NF1: variants seen among roughly 807,000 people sequenced by gnomAD.
The protein encoded by NF1 is neurofibromin.
Under a neutral mutation model 325.7 loss-of-function variants are expected in NF1, and 122 were observed. The ratio of observed to expected loss-of-function variants is 0.37; its 90% CI spans 0.32 to 0.44. The LOEUF (loss-of-function observed/expected upper bound fraction) is 0.44. Ranked by LOEUF, NF1 falls within the 20% of genes least tolerant of loss-of-function variation. The pLI is 1.00. For missense variants in NF1, 2,140 were observed against 3,415.4 expected (o/e 0.63, Z 9.31); for synonymous variants, 1,091 against 1,186.0 (o/e 0.92, Z 1.65).
intron 30 of NF1, chr17:31,251,150 G>T (rs1017556848): frequency 1.5e-5 from 3 of 199,792 alleles, no homozygotes; most frequent in Non-Finnish European, 2.1e-5. Context: ...ATTTCTTTTG[G>T]TTTGCTCTTT....
intron 1 of NF1, 147 bp downstream of exon 1, chr17:31,095,516 A>C: frequency 2.4e-6 from 1 of 408,688 alleles, no homozygotes; most frequent in Non-Finnish European, 4.3e-6. Context: ...AAGGGGGGAT[A>C]AGTGGGGGTG....
intron 47 of NF1, among the ~76,000 whole-genome samples, chr17:31,341,357 CTACAAAAAAGGCAAAAA>C (rs2069816426): frequency 6.6e-6 from 1 of 151,928 alleles, no homozygotes; most frequent in Non-Finnish European, 1.5e-5. Flanking sequence ...AACCCCATCT[CTACAAAAAAGGCAAAAA>C]TTAGCTAGGC....
At chr17:31,204,401 C>G (rs1026953451) in intron 11 of NF1, among the ~76,000 whole-genome samples, 2 of 151,860 alleles carry the variant, frequency 1.3e-5, no homozygotes, top group Admixed American at 1.3e-4. Flanking sequence ...TAAGTGTTGC[C>G]ATTTGGCTAT....
intron 1 of NF1, among the ~76,000 whole-genome samples, chr17:31,132,739 T>C (rs1356391315): frequency 6.6e-6 from 1 of 152,086 alleles, no homozygotes; most frequent in Non-Finnish European, 1.5e-5. Flanking sequence ...TGATCTCAGC[T>C]CACTGCAACA....
At chr17:31,213,427 C>T (rs2066764239) in intron 12 of NF1, among the ~76,000 whole-genome samples, 1 of 152,094 alleles carries the variant, frequency 6.6e-6, no homozygotes, top group African/African-American at 2.4e-5. Flanking sequence ...GAGGATAGTT[C>T]ATTTGTGTTG....
chr17:31,250,437 A>C (rs1180671980), intron 30 of NF1: 1 of 211,370 alleles, frequency 4.7e-6, no homozygotes, highest in East Asian at 7.2e-5. Flanking sequence ...CCTAGTAGTA[A>C]CTGGTTTCAG....
At chr17:31,097,678 G>T (rs1319101138) in intron 1 of NF1, among the ~76,000 whole-genome samples, 1 of 151,654 alleles carries the variant, frequency 6.6e-6, no homozygotes, top group Admixed American at 6.6e-5. Flanking sequence ...TTAAGAGAAA[G>T]ATATATAGGA....
rs534249104 is a variant in NF1, at chr17:31,330,439, A to G, written c.5753A>G (p.Asn1918Ser). 2.5e-6 allele frequency: 4 copies of G among 1,613,904 alleles called. No homozygotes were observed. Among genetic ancestry groups the G allele is most frequent in the Non-Finnish European group, 3.4e-6 (4 of 1,179,892 alleles). The change falls in exon 39 of 58, where the codon AAT becomes AGT. Residue 1918 changes from asparagine (N) to serine (S), a missense_variant. By Grantham distance (46) the Asn-to-Ser change is conservative. Coordinates refer to ENST00000358273, the MANE Select transcript of NF1 (RefSeq NM_001042492.3). Reference sequence around the variant, plus strand: ...TCTATTAGTAAGACACTGGCAGCCAATGAGCCACACCTCACGTTAGAATTT... The same window carrying G: ...TCTATTAGTAAGACACTGGCAGCCAGTGAGCCACACCTCACGTTAGAATTT... ...IVSISKTLAA[N>S]EPHLTLEFLE...
chr17:31,102,915 A>G (rs1388125543), intron 1 of NF1, among the ~76,000 whole-genome samples: 2 of 150,442 alleles, frequency 1.3e-5, no homozygotes, highest in African/African-American at 4.9e-5. Flanking sequence ...GCACGATCTC[A>G]GCTCACTGCA....
intron 39 of NF1, chr17:31,334,618 C>G (rs2069592660): frequency 2.0e-6 from 1 of 510,662 alleles, no homozygotes; most frequent in Non-Finnish European, 3.5e-6. Context: ...TAAGACAAAA[C>G]TTTTCAAAAA....
At position 31,360,059 on chromosome 17, in the gene NF1, G is replaced by C. The variant is rs2070364070; in HGVS notation, c.8161-428G>C. 1.6e-5 allele frequency: 3 copies of C among 189,344 alleles called. No individual in the cohort carries two copies. The South Asian group carries it at 2.8e-4, about 18-fold the overall frequency. The allele number at this position is 189,344 out of a possible 1,614,324, so 11.7% of individuals were successfully genotyped here. A position where few individuals can be genotyped will look rare whatever the true frequency, so the allele number is the denominator to read the frequency against. ...CTTAAAAAATGGGCCTGAAGTTACA[G>C]AAATAAGTATATCATACAGAAGTTT... On this transcript the variant is annotated intron_variant, in intron 56 of 57. Coordinates refer to ENST00000358273, the MANE Select transcript of NF1 (RefSeq NM_001042492.3).
At position 31,235,638 on chromosome 17, in the gene NF1, C is replaced by G. The variant is rs1567852501; in HGVS notation, c.3736C>G (p.Leu1246Val). 6.2e-7 allele frequency: 1 copy of G among 1,614,106 alleles called. No individual in the cohort carries two copies. Among genetic ancestry groups the G allele is most frequent in the Non-Finnish European group, 8.5e-7 (1 of 1,180,000 alleles). The change falls in exon 28 of 58, where the codon CTG (leucine) becomes GTG (valine). Residue 1246 changes from leucine to valine, a missense_variant. Leu to Val is a conservative substitution (Grantham distance 32, BLOSUM62 1). This residue lies in a region of NF1 where 336 missense variants were observed against 399.0 expected (regional missense o/e 0.84). Coordinates refer to ENST00000358273, the MANE Select transcript of NF1 (RefSeq NM_001042492.3). ...TGAACTAGCTCGAGTTCTGGTTACT[C>G]TGTTTGATTCTCGGCATTTACTCTA... ...WDELARVLVTLFDSRHLLYQL... is the reference protein window; with the variant it reads ...WDELARVLVTVFDSRHLLYQL...
chr17:31,123,354 C>G (rs559872806), intron 1 of NF1, among the ~76,000 whole-genome samples: 98 of 152,340 alleles, frequency 6.4e-4, no homozygotes, highest in African/African-American at 2.2e-3. Flanking sequence ...TCTTCATTCT[C>G]AATCTTTCAG....
intron 14 of NF1, among the ~76,000 whole-genome samples, chr17:31,221,338 A>G (rs778923122): frequency 6.0e-4 from 91 of 152,148 alleles, no homozygotes; most frequent in Non-Finnish European, 1.1e-3. Flanking sequence ...CTGCTATGAA[A>G]TACTGAATCC....
intron 51 of NF1, 24 bp downstream of exon 51, chr17:31,352,438 A>AT (rs757338143): frequency 2.7e-5 from 41 of 1,515,608 alleles, no homozygotes; most frequent in East Asian, 7.4e-5. Context: ...AATTATGTAG[A>AT]TTTTTTTTAT....
At position 31,374,134 on chromosome 17, in the gene NF1, T is replaced by C. The variant is rs142636150; in HGVS notation, c.8499T>C (p.Asn2833=). The change falls in exon 58 of 58, where the codon AAT becomes AAC. Residue 2833 remains asparagine, a synonymous_variant. Coordinates refer to ENST00000358273, the MANE Select transcript of NF1 (RefSeq NM_001042492.3). ...GAAGCGCTGGCAGTTTCAAACGTAATAGCATTAAGAAGATCGTGTGAAGCT... is the reference window on the plus strand; with the variant it reads ...GAAGCGCTGGCAGTTTCAAACGTAACAGCATTAAGAAGATCGTGTGAAGCT... ...KQRSAGSFKR[N]SIKKIV The C allele has an allele frequency of 2.2e-4, 352 of 1,614,048 alleles. 2 individuals are homozygous for C. The Middle Eastern group carries it at 3.0e-3, about 14-fold the overall frequency.
At chr17:31,367,199 T>C (rs2070541215) in intron 57 of NF1, 3 of 1,288,906 alleles carry the variant, frequency 2.3e-6, no homozygotes, top group Non-Finnish European at 2.0e-6. Flanking sequence ...ACTTACTTGC[T>C]TTTTTTTCTT....
At chr17:31,168,712 A>G (rs2065884759) in intron 4 of NF1, among the ~76,000 whole-genome samples, 3 of 152,122 alleles carry the variant, frequency 2.0e-5, no homozygotes, top group African/African-American at 7.2e-5. Flanking sequence ...AACATGTCCT[A>G]TTATTGACTT....
At chr17:31,344,861 C>T (rs901401961) in intron 48 of NF1, among the ~76,000 whole-genome samples, 2 of 152,166 alleles carry the variant, frequency 1.3e-5, no homozygotes, top group Non-Finnish European at 1.5e-5. Flanking sequence ...TTGCTTGAGG[C>T]CAAGAGTTCA....
Sources: allele counts gnomAD v4.1 joint callset (sites outside exome capture counted in the v4.1 genomes callset), GRCh38; gene constraint gnomAD v4.1.1; regional missense constraint gnomAD v4.1.1; transcripts MANE v1.5; gene names NCBI Gene and HGNC (gene_info 2026-07-23, HGNC 2026-07-21).